The following HPSE2 variants were observed in gnomAD, a reference collection of about 807,000 sequenced individuals.
HPSE2 encodes the protein heparanase 2 (inactive), also known as inactive heparanase-2.
In HPSE2, 38 loss-of-function variants were observed where a neutral mutation model predicts 60.5. The observed-to-expected ratio is 0.63, with a 90% CI of 0.48 to 0.82. The LOEUF (loss-of-function observed/expected upper bound fraction) is 0.82, where lower values mean the gene tolerates loss of function less well. Ranked by LOEUF, HPSE2 falls within the 40% of genes least tolerant of loss-of-function variation. The pLI is 0.00. For missense variants in HPSE2, 713 were observed against 740.4 expected (o/e 0.96, Z 0.43); for synonymous variants, 295 against 293.2 (o/e 1.01, Z -0.06).
chr10:98,675,545 C>A (rs1332814041), intron 6 of HPSE2, among the ~76,000 whole-genome samples: 1 of 150,374 alleles, frequency 6.7e-6, no homozygotes, highest in Non-Finnish European at 1.5e-5. Context: ...TGTCTACACA[C>A]ACACACACAC....
In HPSE2 at chr10:99,026,813, G is replaced by T. The variant is rs114967850; in HGVS notation, c.610+117425C>A. 5.0e-3 allele frequency among the ~76,000 whole-genome samples: 764 copies of T among 152,024 alleles called. 4 individuals carry two copies. The highest frequency in any genetic ancestry group is 0.017 in the African/African-American group (711 of 41,468). On this transcript the variant is annotated intron_variant, in intron 3 of 11. Coordinates refer to ENST00000370552, the MANE Select transcript of HPSE2 (RefSeq NM_021828.5). ...GAATAAAACTAGAAATTAAGGAGAA[G>T]AATAATTTTGGAAACTGTATAAATA...
intron 3 of HPSE2, among the ~76,000 whole-genome samples, chr10:98,959,020 G>T (rs1955580570): frequency 1.3e-5 from 2 of 152,048 alleles, no homozygotes; most frequent in South Asian, 4.1e-4. Flanking sequence ...GATGTTAAGA[G>T]CAGAGATAAT....
Position 99,141,268 on chromosome 10 carries a change from C to T in HPSE2, c.610+2970G>A, listed in dbSNP as rs1845857272. ...CAAGAAACTGCAGGACAAACATATA[C>T]GCCCCCATAGGTGAGTCAGTGGGAA... is the stretch of plus-strand genomic sequence containing the variant. On this transcript the variant is annotated intron_variant, in intron 3 of 11. Coordinates refer to ENST00000370552, the MANE Select transcript of HPSE2 (RefSeq NM_021828.5). Among the ~76,000 whole-genome samples, 3 of 152,034 alleles carry T rather than the reference C, an allele frequency of 2.0e-5. 1 individual carries two copies. Among genetic ancestry groups the T allele is most frequent in the South Asian group, 4.2e-4 (2 of 4,814 alleles).
At chr10:98,735,184 T>C (rs1291310243) in intron 4 of HPSE2, among the ~76,000 whole-genome samples, 1 of 151,504 alleles carries the variant, frequency 6.6e-6, no homozygotes, top group Non-Finnish European at 1.5e-5. Flanking sequence ...ATGCAGTAAA[T>C]TGGTACCGGG....
chr10:99,208,393 G>A (rs549003203), intron 2 of HPSE2, among the ~76,000 whole-genome samples: 2 of 152,048 alleles, frequency 1.3e-5, no homozygotes, highest in Non-Finnish European at 2.9e-5. Context: ...CATTCAAAAG[G>A]CATTAGAGTG....
chr10:99,250,787 A>T, the HPSE2 span, among the ~76,000 whole-genome samples: 21 of 152,346 alleles, frequency 1.4e-4, no homozygotes, highest in Non-Finnish European at 2.2e-4. Flanking sequence ...GACAGAATTT[A>T]AAAAATTCTT....
At chr10:99,102,660 C>A (rs1469867440) in intron 3 of HPSE2, among the ~76,000 whole-genome samples, 1 of 152,082 alleles carries the variant, frequency 6.6e-6, no homozygotes, top group Non-Finnish European at 1.5e-5. Flanking sequence ...GATACCAAAG[C>A]CTGGCAGAGA....
intron 2 of HPSE2, among the ~76,000 whole-genome samples, chr10:99,224,915 T>A (rs1221258257): frequency 2.6e-5 from 4 of 152,082 alleles, no homozygotes; most frequent in Non-Finnish European, 4.4e-5. Context: ...GGACCAGTAT[T>A]TCTTGGTCTC....
chr10:98,619,993 T>C (rs1946028590), intron 8 of HPSE2, among the ~76,000 whole-genome samples: 1 of 152,236 alleles, frequency 6.6e-6, no homozygotes. Context: ...CTTGAATAAG[T>C]TACTTCACCT....
At chr10:98,892,827 T>C (rs531454939) in intron 3 of HPSE2, among the ~76,000 whole-genome samples, 2 of 152,336 alleles carry the variant, frequency 1.3e-5, no homozygotes, top group Admixed American at 6.5e-5. Context: ...TAAAAAGCTA[T>C]TAACATTGTG....
At chr10:99,147,598 A>G (rs1344843953) in intron 2 of HPSE2, among the ~76,000 whole-genome samples, 3 of 152,212 alleles carry the variant, frequency 2.0e-5, no homozygotes. Context: ...TTACCTTTAT[A>G]TTAATAACAG....
intron 3 of HPSE2, among the ~76,000 whole-genome samples, chr10:98,901,001 C>T (rs1953651738): frequency 2.0e-5 from 3 of 152,120 alleles, no homozygotes; most frequent in Admixed American, 6.6e-5. Context: ...TATATTCATA[C>T]AGTAGAATAC....
intron 2 of HPSE2, among the ~76,000 whole-genome samples, chr10:99,197,802 G>A (rs577561199): frequency 2.8e-4 from 42 of 152,104 alleles, no homozygotes; most frequent in South Asian, 2.7e-3. Context: ...GGCTCACACC[G>A]GTAATCCCAT....
intron 7 of HPSE2, among the ~76,000 whole-genome samples, chr10:98,641,454 G>C (rs1946634635): frequency 6.6e-6 from 1 of 151,988 alleles, no homozygotes; most frequent in African/African-American, 2.4e-5. Context: ...GGGCATGGCA[G>C]CTTGTACCTG....
At chr10:99,106,312 A>C (rs1844245449) in intron 3 of HPSE2, among the ~76,000 whole-genome samples, 1 of 152,116 alleles carries the variant, frequency 6.6e-6, no homozygotes, top group Non-Finnish European at 1.5e-5. Flanking sequence ...TACAATTATC[A>C]TACTTTTGTT....
intron 9 of HPSE2, among the ~76,000 whole-genome samples, chr10:98,570,042 G>A (rs1944451074): frequency 6.6e-6 from 1 of 152,168 alleles, no homozygotes; most frequent in African/African-American, 2.4e-5. Context: ...GTATCTCACT[G>A]GCATCTCTGG....
At chr10:99,062,312 GA>G (rs1268881662) in intron 3 of HPSE2, among the ~76,000 whole-genome samples, 39 of 152,232 alleles carry the variant, frequency 2.6e-4, no homozygotes, top group African/African-American at 8.9e-4. Flanking sequence ...CCAGGTGACA[GA>G]ATGTTTAAGA....
chr10:98,989,761 C>T (rs1219197653), intron 3 of HPSE2, among the ~76,000 whole-genome samples: 1 of 152,038 alleles, frequency 6.6e-6, no homozygotes, highest in African/African-American at 2.4e-5. Flanking sequence ...TAGCTGATTG[C>T]CACACAGTAT....
chr10:98,994,193 G>C (rs986792023), intron 3 of HPSE2, among the ~76,000 whole-genome samples: 15 of 152,164 alleles, frequency 9.9e-5, no homozygotes, highest in Admixed American at 2.0e-4. Flanking sequence ...ACCAGCTGTG[G>C]GCTTATAACC....
Sources: gnomAD v4.1 joint callset for allele counts (sites outside exome capture counted in the v4.1 genomes callset) on GRCh38, gnomAD v4.1.1 for gene constraint, MANE v1.5 for transcripts, NCBI Gene and HGNC (gene_info 2026-07-23, HGNC 2026-07-21) for gene names.